The following ZFYVE26 variants were observed in gnomAD, a reference collection of about 807,000 sequenced individuals.
ZFYVE26 encodes the protein zinc finger FYVE-type containing 26, also known as zinc finger FYVE domain-containing protein 26.
A neutral mutation model predicts 276.5 loss-of-function variants in ZFYVE26; 181 were observed. The observed-to-expected ratio is 0.65, with a 90% confidence interval of 0.58 to 0.74. The LOEUF (loss-of-function observed/expected upper bound fraction) is 0.74, where lower values mean the gene tolerates loss of function less well. ZFYVE26 is among the 30% of genes least tolerant of loss of function. The pLI is 0.00. For missense variants in ZFYVE26, 2,821 were observed against 3,097.9 expected, an observed-to-expected ratio of 0.91 and a Z score of 2.12; for synonymous variants, 1,129 against 1,203.1, an observed-to-expected ratio of 0.94 and a Z score of 1.27.
chr14:67,798,009 C>T lies in ZFYVE26; in HGVS notation c.2248+5G>A. The T allele has an allele frequency of 6.2e-7, 1 of 1,614,174 alleles. No homozygotes were observed. Among genetic ancestry groups the T allele is most frequent in the Non-Finnish European group, 8.5e-7 (1 of 1,180,046 alleles). On this transcript the variant is annotated splice_donor_5th_base_variant and intron_variant, in intron 11 of 41. Transcript: ENST00000347230. ...CTGGTCCCACCAGTTCCACCCTTCT[C>T]TCACCTGAACGATGGTTGCTTGTCA...
intron 29 of ZFYVE26, 52 bp downstream of exon 29, chr14:67,769,542 C>T (rs746123577): frequency 8.7e-6 from 14 of 1,609,660 alleles, no homozygotes; most frequent in East Asian, 2.2e-5. Context: ...TAGGGACCTG[C>T]GGAAGGGTGC....
Position 67,807,868 on chromosome 14 carries a change from T to C in ZFYVE26, c.416A>G (p.Asn139Ser), listed in dbSNP as rs754388575. The change falls in exon 5 of 42, where the codon AAT becomes AGT. Residue 139 changes from asparagine (N) to serine (S), a missense_variant. Physicochemically the swap from Asn to Ser is conservative, Grantham distance 46. Transcript: ENST00000347230. ...QGAVGHVPDG[N>S]PRRESWTPRL... ...AGGAGTCCAGCTCTCCCTCCTTGGA[T>C]TTCCGTCAGGCACGTGGCCTACTGC... The C allele has an allele frequency of 5.3e-5, 86 of 1,613,880 alleles. No homozygotes were observed. The highest frequency in any genetic ancestry group is 7.1e-5 in the Non-Finnish European group (84 of 1,179,924).
intron 3 of ZFYVE26, among the ~76,000 whole-genome samples, chr14:67,810,655 C>T (rs1411545855): frequency 6.6e-6 from 1 of 152,162 alleles, no homozygotes; most frequent in African/African-American, 2.4e-5. Context: ...CTTCCTGCGC[C>T]TGCTTGTTTC....
chr14:67,749,537 G>C (rs1277750600), intron 41 of ZFYVE26, among the ~76,000 whole-genome samples: 1 of 152,168 alleles, frequency 6.6e-6, no homozygotes, highest in African/African-American at 2.4e-5. Flanking sequence ...AGCTGCCACA[G>C]AGCTTCTGCC....
At chr14:67,767,655 T>C in intron 31 of ZFYVE26, 49 bp downstream of exon 31, 1 of 1,613,488 alleles carries the variant, frequency 6.2e-7, no homozygotes, top group East Asian at 2.2e-5. Context: ...GTCATACTGC[T>C]ACACATCATA....
Position 67,761,930 on chromosome 14 carries a change from T to A in ZFYVE26, c.6369+273A>T, listed in dbSNP as rs1594891830. ...AGAAAATTCACCAGAATTTTAACAC[T>A]AATCAGTCTGTGTATGGGATTATAT... is the stretch of plus-strand genomic sequence containing the variant. On this transcript the variant is annotated intron_variant, in intron 34 of 41. Coordinates refer to ENST00000347230, the MANE Select transcript of ZFYVE26 (RefSeq NM_015346.4). 1.1e-5 allele frequency: 6 copies of A among 560,250 alleles called. No individual in the cohort carries two copies. The East Asian group carries it at 1.9e-4, about 18-fold the overall frequency. The allele number at this position is 560,250 out of a possible 1,614,324, so 34.7% of individuals were successfully genotyped here.
downstream of ZFYVE26, among the ~76,000 whole-genome samples, chr14:67,742,831 TCTTCTTC>T (rs2038430765): frequency 5.0e-5 from 1 of 20,090 alleles, no homozygotes; most frequent in African/African-American, 9.5e-5. Flanking sequence ...TCTTCTTTCT[TCTTCTTC>T]TTTTTTTTTT....
intron 12 of ZFYVE26, 151 bp downstream of exon 12, chr14:67,797,521 A>G: frequency 1.2e-6 from 1 of 830,282 alleles, no homozygotes; most frequent in Non-Finnish European, 2.0e-6. Context: ...ATACATAGGA[A>G]ACTATTAACA....
Position 67,807,674 on chromosome 14 carries a change from A to G in ZFYVE26, c.610T>C (p.Leu204=), listed in dbSNP as rs2040213013. Residue 204 remains leucine, a synonymous_variant, in exon 5 of 42, where the codon TTG becomes CTG. Transcript: ENST00000347230. ...GGGGGCACCGAATCAGGGCCCTGCAAAGCCCGCAATGCCTTTCGAATGAGG... is the reference window on the plus strand; with the variant it reads ...GGGGGCACCGAATCAGGGCCCTGCAGAGCCCGCAATGCCTTTCGAATGAGG... ...VDLIRKALRA[L]QGPDSVPPGV... is the part of the protein sequence containing the mutation. 1.2e-6 allele frequency: 2 copies of G among 1,614,178 alleles called. No homozygotes were observed. Among genetic ancestry groups the G allele is most frequent in the East Asian group, 4.5e-5 (2 of 44,882 alleles).
intron 13 of ZFYVE26, among the ~76,000 whole-genome samples, chr14:67,739,045 G>A (rs1414402846): frequency 6.6e-6 from 1 of 152,170 alleles, no homozygotes; most frequent in Non-Finnish European, 1.5e-5. Flanking sequence ...CAAGGCAACC[G>A]TGCGGATCAC....
intron 35 of ZFYVE26, among the ~76,000 whole-genome samples, chr14:67,760,094 G>A (rs1006959991): frequency 3.3e-5 from 5 of 152,162 alleles, no homozygotes; most frequent in Non-Finnish European, 5.9e-5. Flanking sequence ...CACTGCTGTC[G>A]TCAGCTTATA....
intron 40 of ZFYVE26, among the ~76,000 whole-genome samples, chr14:67,751,952 C>T (rs1020829982): frequency 6.6e-5 from 10 of 152,218 alleles, no homozygotes; most frequent in African/African-American, 2.2e-4. Context: ...GGCCTGTCCT[C>T]GGCCTTCACA....
chr14:67,778,105 T>C (rs1362788043), intron 24 of ZFYVE26, 21 bp downstream of exon 24: 1 of 1,613,880 alleles, frequency 6.2e-7, no homozygotes, highest in Non-Finnish European at 8.5e-7. Flanking sequence ...AGAAGAAAAA[T>C]GGAAAGAACT....
chr14:67,805,417 A>G, intron 7 of ZFYVE26, 37 bp downstream of exon 7: 1 of 1,614,040 alleles, frequency 6.2e-7, no homozygotes, highest in African/African-American at 1.3e-5. Context: ...CACGTCTCTC[A>G]CTTCCAGAGC....
rs1176791797 is a variant in ZFYVE26, at chr14:67,777,411, G to A, written c.4974+148C>T. The A allele has an allele frequency of 2.1e-5, 27 of 1,258,570 alleles. No homozygotes were observed. The Middle Eastern group carries it at 7.9e-4, about 37-fold the overall frequency. The allele number at this position is 1,258,570 out of a possible 1,614,324, so 78.0% of individuals were successfully genotyped here. On this transcript the variant is annotated intron_variant, in intron 25 of 41. Transcript: ENST00000347230. ...ATATAGCACAGGCCAGGGATGGCAG[G>A]TGCCTGGCAAAAGAGCCATTGAAAA...
chr14:67,729,228 C>T, exon 14 of ZFYVE26: 4 of 1,611,716 alleles, frequency 2.5e-6, no homozygotes, highest in Non-Finnish European at 3.4e-6. Context: ...ACCCAGGCGT[C>T]GTCCGCTCTG....
At chr14:67,806,523 T>C (rs1383029286) in intron 6 of ZFYVE26, 22 bp downstream of exon 6, 4 of 1,614,004 alleles carry the variant, frequency 2.5e-6, no homozygotes, top group Non-Finnish European at 3.4e-6. Flanking sequence ...ACCTCTGTGA[T>C]GAACAATTAA....
chr14:67,731,178 A>G, intron 13 of ZFYVE26, among the ~76,000 whole-genome samples: 1 of 149,120 alleles, frequency 6.7e-6, no homozygotes, highest in African/African-American at 2.5e-5. Context: ...GTGGCTCACA[A>G]TTGTGTTTCT....
In ZFYVE26 at chr14:67,758,495, A is replaced by T. The variant is rs573683388; in HGVS notation, c.6589-2350T>A. ...TTCTTGGTCCAGATGGAAAGACTCA[A>T]TTGTAAACAAACAGTGGCAATCCAG... On this transcript the variant is annotated intron_variant, in intron 35 of 41. Coordinates refer to ENST00000347230, the MANE Select transcript of ZFYVE26 (RefSeq NM_015346.4). Among the ~76,000 whole-genome samples the T allele has an allele frequency of 1.5e-3, 225 of 152,308 alleles. 1 individual carries two copies. The highest frequency in any genetic ancestry group is 6.8e-3 in the Middle Eastern group (2 of 294).
Sources: gnomAD v4.1 joint callset for allele counts (sites outside exome capture counted in the v4.1 genomes callset) on GRCh38, gnomAD v4.1.1 for gene constraint, MANE v1.5 for transcripts, NCBI Gene and HGNC (gene_info 2026-07-23, HGNC 2026-07-21) for gene names.